Variants in RB1 observed in about 807,000 individuals in gnomAD.
The protein encoded by RB1 is RB transcriptional corepressor 1, also known as retinoblastoma-associated protein.
Under a neutral mutation model 135.4 loss-of-function variants are expected in RB1, and 18 were observed. The ratio of observed to expected loss-of-function variants is 0.13; its 90% confidence interval spans 0.09 to 0.20. The LOEUF is 0.20. RB1 is among the 10% of genes least tolerant of loss of function. The pLI, the probability that RB1 is intolerant of heterozygous loss-of-function variation, is 1.00. For synonymous variants in RB1, 365 were observed against 373.2 expected (o/e 0.98, Z 0.25); for missense variants, 868 against 1,110.0 (o/e 0.78, Z 3.10).
chr13:48,442,426 T>TGAG (rs1191528814), intron 17 of RB1, among the ~76,000 whole-genome samples: 4 of 152,212 alleles, frequency 2.6e-5, no homozygotes, highest in Non-Finnish European at 5.9e-5. Context: ...GGATATAGTA[T>TGAG]GAGTTTTTAT....
chr13:48,453,803 C>T (rs1454806495), intron 18 of RB1, among the ~76,000 whole-genome samples: 2 of 152,138 alleles, frequency 1.3e-5, no homozygotes, highest in Non-Finnish European at 2.9e-5. Flanking sequence ...GTAGAGGAAT[C>T]GTCAATTATC....
chr13:48,448,794 T>C (rs566447706), intron 17 of RB1, among the ~76,000 whole-genome samples: 1 of 152,352 alleles, frequency 6.6e-6, no homozygotes, highest in African/African-American at 2.4e-5. Context: ...CTACTTGAAG[T>C]CACTTCATGT....
At chr13:48,412,248 AAGTT>A in intron 17 of RB1, 1 of 1,614,164 alleles carries the variant, frequency 6.2e-7, no homozygotes, top group South Asian at 1.1e-5. Context: ...TGACATTGCC[AAGTT>A]AATCATGTAA....
chr13:48,321,988 T>C (rs1440722715), intron 2 of RB1, among the ~76,000 whole-genome samples: 1 of 152,234 alleles, frequency 6.6e-6, no homozygotes, highest in Non-Finnish European at 1.5e-5. Flanking sequence ...AGTTTGTAAA[T>C]ATTTTCTCCC....
intron 17 of RB1, chr13:48,412,383 G>C: frequency 1.2e-6 from 2 of 1,613,996 alleles, no homozygotes; most frequent in Non-Finnish European, 1.7e-6. Context: ...GTACTTAAAG[G>C]AGTCATTATA....
At chr13:48,347,989 T>C (rs902364946) in intron 5 of RB1, 126 bp downstream of exon 5, 2 of 711,954 alleles carry the variant, frequency 2.8e-6, no homozygotes, top group Non-Finnish European at 4.9e-6. Context: ...ATTAAGCCCA[T>C]AGATTTAAGT....
At position 48,480,197 on chromosome 13, in the gene RB1, T is replaced by C. The variant is rs527847204; in HGVS notation, c.*126T>C. On this transcript the variant is annotated 3_prime_UTR_variant, in exon 27 of 27. Transcript: ENST00000267163. ...TAATATCTTCAGCTCTTTTTGTGGA[T>C]ATAAAATGTGCAGATGCAATTGTTT... 1.1e-5 allele frequency: 9 copies of C among 799,832 alleles called. No individual in the cohort carries two copies. The African/African-American group carries it at 1.5e-4, about 14-fold the overall frequency. 49.5% of individuals were successfully genotyped at this position (799,832 alleles called of 1,614,324 possible). A position where few individuals can be genotyped will look rare whatever the true frequency, so the allele number is the denominator to read the frequency against.
At chr13:48,411,331 C>T in intron 17 of RB1, 1 of 1,384,960 alleles carries the variant, frequency 7.2e-7, no homozygotes, top group Non-Finnish European at 1.0e-6. Flanking sequence ...CAAAAAGACA[C>T]TTTTCACAGT....
intron 2 of RB1, among the ~76,000 whole-genome samples, chr13:48,337,526 T>G (rs149969491): frequency 0.011 from 1,665 of 152,316 alleles, 25 homozygotes; most frequent in African/African-American, 0.037. Flanking sequence ...GTTTTCCATT[T>G]GCTTGGTAGA....
At chr13:48,340,589 G>GAGAGAA (rs148116313) in intron 2 of RB1, among the ~76,000 whole-genome samples, 2 of 149,130 alleles carry the variant, frequency 1.3e-5, no homozygotes, top group Non-Finnish European at 3.0e-5. Flanking sequence ...GAGAGAGAGA[G>GAGAGAA]AAAAAAAAAG....
At chr13:48,435,253 T>C (rs905251996) in intron 17 of RB1, among the ~76,000 whole-genome samples, 1 of 152,220 alleles carries the variant, frequency 6.6e-6, no homozygotes, top group African/African-American at 2.4e-5. Context: ...TTTATTTTAG[T>C]CATTCTGATA....
At chr13:48,377,821 T>C (rs761555333) in intron 13 of RB1, among the ~76,000 whole-genome samples, 1 of 152,188 alleles carries the variant, frequency 6.6e-6, no homozygotes, top group Non-Finnish European at 1.5e-5. Flanking sequence ...GTATAGCCGA[T>C]TGTACATCTA....
chr13:48,465,675 C>T lies in RB1; in HGVS notation c.2489+307C>T, dbSNP rs1013211291. 1.1e-3 allele frequency among the ~76,000 whole-genome samples: 160 copies of T among 151,458 alleles called. 4 individuals carry two copies. The highest frequency in any genetic ancestry group is 4.9e-3 in the South Asian group (23 of 4,730). On this transcript the variant is annotated intron_variant, in intron 23 of 26. Coordinates refer to ENST00000267163, the MANE Select transcript of RB1 (RefSeq NM_000321.3). ...GTTCATCTCACTAGGGAGTGCCAGA[C>T]AGTGGGCGCAGGCCAGTGTGTGTGC...
At chr13:48,368,482 T>C in intron 10 of RB1, 45 bp from the exon 11 acceptor site, 2 of 1,610,122 alleles carry the variant, frequency 1.2e-6, no homozygotes, top group Non-Finnish European at 1.7e-6. Flanking sequence ...AAAGCACAAA[T>C]TGTAAATTTT....
In RB1 at chr13:48,453,054, T is replaced by G; in HGVS notation, c.1757T>G (p.Leu586Arg). Residue 586 changes from leucine to arginine, a missense_variant, in exon 18 of 27, where the codon CTT becomes CGT. This residue lies in a region of RB1 where 641 missense variants were observed against 791.3 expected (regional missense o/e 0.81). Coordinates refer to ENST00000267163, the MANE Select transcript of RB1 (RefSeq NM_000321.3). ...GACCGAGAAGGACCAACTGATCACC[T>G]TGAATCTGCTTGTCCTCTTAATCTT... ...SKDREGPTDH[L>R]ESACPLNLPL... 6.2e-7 allele frequency: 1 copy of G among 1,613,312 alleles called. No individual in the cohort carries two copies. Among genetic ancestry groups the G allele is most frequent in the Non-Finnish European group, 8.5e-7 (1 of 1,179,696 alleles).
chr13:48,337,904 G>C (rs1464647666), intron 2 of RB1, among the ~76,000 whole-genome samples: 1 of 152,126 alleles, frequency 6.6e-6, no homozygotes, highest in Non-Finnish European at 1.5e-5. Flanking sequence ...GCATTTGTTT[G>C]CCTGTGAAGG....
intron 5 of RB1, among the ~76,000 whole-genome samples, chr13:48,348,347 C>T (rs1393783781): frequency 6.6e-6 from 1 of 151,672 alleles, no homozygotes; most frequent in Non-Finnish European, 1.5e-5. Context: ...GATTTTCTGC[C>T]TCATTGGAGT....
chr13:48,367,382 AC>A, intron 9 of RB1, 111 bp from the exon 10 acceptor site: 2 of 1,181,494 alleles, frequency 1.7e-6, no homozygotes, highest in East Asian at 5.5e-5. Context: ...AGTGTATATT[AC>A]AAAATTAAAT....
At chr13:48,388,072 C>T (rs1212869955) in intron 17 of RB1, among the ~76,000 whole-genome samples, 1 of 152,156 alleles carries the variant, frequency 6.6e-6, no homozygotes, top group African/African-American at 2.4e-5. Context: ...TGTTTATTAT[C>T]TATATACTTA....
Sources: gnomAD v4.1 joint callset for allele counts (sites outside exome capture counted in the v4.1 genomes callset) on GRCh38, gnomAD v4.1.1 for gene constraint, gnomAD v4.1.1 regional missense constraint, MANE v1.5 for transcripts, NCBI Gene and HGNC (gene_info 2026-07-23, HGNC 2026-07-21) for gene names.